The following HHAT variants were observed in gnomAD, a reference collection of about 807,000 sequenced individuals.
The protein encoded by HHAT is protein-cysteine N-palmitoyltransferase HHAT.
In HHAT, 47 loss-of-function variants were observed where a neutral mutation model predicts 70.8. The observed-to-expected ratio is 0.66, with a 90% CI of 0.53 to 0.85. HHAT has a LOEUF of 0.85. Among genes scored for constraint, HHAT ranks in the 40% least tolerant of loss-of-function variants. The pLI is 0.00. For missense variants in HHAT, 609 were observed against 604.8 expected (o/e 1.01, Z -0.07); for synonymous variants, 228 against 247.6 (o/e 0.92, Z 0.74).
intron 11 of HHAT, among the ~76,000 whole-genome samples, chr1:210,663,739 G>T (rs1412946235): frequency 1.3e-5 from 2 of 152,246 alleles, no homozygotes. Flanking sequence ...CCTGGAACTT[G>T]CTAGAGATGC....
intron 7 of HHAT, among the ~76,000 whole-genome samples, chr1:210,460,448 A>G (rs930943249): frequency 7.9e-5 from 12 of 152,194 alleles, no homozygotes; most frequent in African/African-American, 2.9e-4. Context: ...CTTGGCACGT[A>G]TGTACACAAT....
intron 8 of HHAT, among the ~76,000 whole-genome samples, chr1:210,490,140 G>A (rs2094529995): frequency 6.6e-6 from 1 of 152,220 alleles, no homozygotes; most frequent in South Asian, 2.1e-4. Flanking sequence ...TTTGGCATCT[G>A]AGCTTTGCTC....
At chr1:210,329,427 C>T in intron 1 of HHAT, 2 of 1,097,046 alleles carry the variant, frequency 1.8e-6, no homozygotes, top group South Asian at 9.0e-5. Flanking sequence ...AACTCTGGTC[C>T]TCTTGGCAGT....
chr1:210,529,682 C>A (rs2095293173), intron 9 of HHAT, among the ~76,000 whole-genome samples: 1 of 152,242 alleles, frequency 6.6e-6, no homozygotes, highest in African/African-American at 2.4e-5. Flanking sequence ...GGGCCTCCCA[C>A]AGAACTGTTT....
At chr1:210,436,693 A>G (rs1449204158) in intron 7 of HHAT, among the ~76,000 whole-genome samples, 1 of 151,810 alleles carries the variant, frequency 6.6e-6, no homozygotes, top group South Asian at 2.1e-4. Flanking sequence ...GTTGTCTTCC[A>G]TTAACCAGTA....
chr1:210,440,940 T>C (rs2093492303), intron 7 of HHAT, among the ~76,000 whole-genome samples: 1 of 152,152 alleles, frequency 6.6e-6, no homozygotes. Context: ...ATAAGATTCA[T>C]TAAAAGGAAA....
In HHAT at chr1:210,417,855, G is replaced by A. The variant is rs187702764; in HGVS notation, c.685-299G>A. The stretch of plus-strand genomic sequence containing the variant: ...AAATACACTGAGTGCTGCCCTCCCC[G>A]CTTGGGTTTTTCCAGGGCTGATGCT... On this transcript the variant is annotated intron_variant, in intron 6 of 11. Transcript: ENST00000261458. 3.6e-4 allele frequency among the ~76,000 whole-genome samples: 55 copies of A among 152,162 alleles called. 1 individual carries two copies. Among genetic ancestry groups the A allele is most frequent in the Admixed American group, 3.0e-3 (46 of 15,268 alleles).
chr1:210,359,787 C>G (rs535066012), intron 2 of HHAT, among the ~76,000 whole-genome samples: 5 of 152,104 alleles, frequency 3.3e-5, no homozygotes, highest in African/African-American at 1.2e-4. Flanking sequence ...GAATCACTTG[C>G]ACCCAGGAGG....
chr1:210,635,180 T>A (rs1671642240), intron 11 of HHAT, among the ~76,000 whole-genome samples: 1 of 151,844 alleles, frequency 6.6e-6, no homozygotes, highest in South Asian at 2.1e-4. Flanking sequence ...GATGAGTAAG[T>A]CCAGACTCGG....
intron 2 of HHAT, among the ~76,000 whole-genome samples, chr1:210,360,273 T>G (rs2088128112): frequency 6.6e-6 from 1 of 151,910 alleles, no homozygotes. Context: ...TTATATGAAT[T>G]CTCCAAAACA....
chr1:210,430,351 C>T (rs1272236763), intron 7 of HHAT, among the ~76,000 whole-genome samples: 5 of 151,694 alleles, frequency 3.3e-5, no homozygotes, highest in East Asian at 1.9e-4. Context: ...AGCCAAGATC[C>T]GAGTCTGTCC....
intron 9 of HHAT, among the ~76,000 whole-genome samples, chr1:210,551,188 T>C (rs2095524515): frequency 6.7e-6 from 1 of 148,786 alleles, no homozygotes. Flanking sequence ...TAGGATGTGA[T>C]ATGTACTCCA....
intron 8 of HHAT, among the ~76,000 whole-genome samples, chr1:210,490,475 C>G (rs765586692): frequency 6.6e-6 from 1 of 152,140 alleles, no homozygotes; most frequent in Non-Finnish European, 1.5e-5. Context: ...GGAGAATTCT[C>G]TAGGGGAGAG....
At chr1:210,620,006 G>T (rs752240257) in intron 10 of HHAT, among the ~76,000 whole-genome samples, 1 of 152,166 alleles carries the variant, frequency 6.6e-6, no homozygotes, top group South Asian at 2.1e-4. Context: ...CTTGTCAAGG[G>T]AGTTTTCAAG....
chr1:210,483,717 C>CTAA (rs1251560353), intron 8 of HHAT, among the ~76,000 whole-genome samples: 2 of 152,072 alleles, frequency 1.3e-5, no homozygotes, highest in Non-Finnish European at 2.9e-5. Flanking sequence ...CAGTTGTGTC[C>CTAA]AGCTCAGCTA....
At chr1:210,500,437 C>T (rs1322508514) in intron 8 of HHAT, among the ~76,000 whole-genome samples, 1 of 152,196 alleles carries the variant, frequency 6.6e-6, no homozygotes, top group African/African-American at 2.4e-5. Context: ...AATTACCCAG[C>T]TCCCAGAAGT....
At chr1:210,563,442 G>A (rs182101561) in intron 9 of HHAT, among the ~76,000 whole-genome samples, 1 of 152,148 alleles carries the variant, frequency 6.6e-6, no homozygotes, top group Admixed American at 6.5e-5. Context: ...GTGGAAGGCA[G>A]TTTATGGGAT....
chr1:210,556,266 G>A (rs1287675273), intron 9 of HHAT, among the ~76,000 whole-genome samples: 2 of 151,988 alleles, frequency 1.3e-5, no homozygotes, highest in African/African-American at 4.8e-5. Flanking sequence ...TCTTTCCCCT[G>A]ATTTTCTTAA....
chr1:210,659,528 A>G (rs1677187130), intron 11 of HHAT, among the ~76,000 whole-genome samples: 1 of 152,220 alleles, frequency 6.6e-6, no homozygotes, highest in African/African-American at 2.4e-5. Context: ...AAACTATTCC[A>G]ATCAATAGAA....
Sources: allele counts gnomAD v4.1 joint callset (sites outside exome capture counted in the v4.1 genomes callset), GRCh38; gene constraint gnomAD v4.1.1; transcripts MANE v1.5; gene names NCBI Gene and HGNC (gene_info 2026-07-23, HGNC 2026-07-21).